Variants in CFAP77 observed in about 807,000 individuals in gnomAD.
CFAP77 encodes the protein cilia and flagella associated protein 77.
A neutral mutation model predicts 31.1 loss-of-function variants in CFAP77; 25 were observed. That is an observed-to-expected ratio of 0.80 (90% CI 0.59 to 1.12). The LOEUF (loss-of-function observed/expected upper bound fraction) is 1.12. Among genes scored for constraint, CFAP77 ranks in the 50% most tolerant of loss-of-function variants. The probability of loss-of-function intolerance (pLI) is 0.00; values close to 1 mark genes in which losing one functional copy is unlikely to be tolerated. For synonymous variants in CFAP77, 151 were observed against 159.9 expected (o/e 0.94, Z 0.42); for missense variants, 377 against 397.3 (o/e 0.95, Z 0.44).
Position 132,499,311 on chromosome 9 carries a change from C to G in CFAP77, c.296-61C>G. 6.7e-7 allele frequency: 1 copy of G among 1,481,642 alleles called. No individual in the cohort carries two copies. The highest frequency in any genetic ancestry group is 1.7e-5 in the Admixed American group (1 of 57,666). The allele number at this position is 1,481,642 out of a possible 1,614,324, so 91.8% of individuals were successfully genotyped here. ...CGTGCCCCCATTTCTTCTCGATCAG[C>G]TGCCTCAGGGTGCTTACTCCCAGGC... On this transcript the variant is annotated intron_variant, in intron 2 of 5. Coordinates refer to ENST00000393216, the MANE Select transcript of CFAP77 (RefSeq NM_001282957.2). The surrounding 1 kb of genome is among the most constrained non-coding windows in gnomAD (Gnocchi z 5.4).
rs369911015 is a variant in CFAP77 at position 132,437,975 on chromosome 9, T to C, written c.195+27509T>C. ...CTGTAATCCCAGCACTTTGGGAGGC[T>C]GAGGCCAACACCTGAGGTCATGAGT... On this transcript the variant is annotated intron_variant, in intron 1 of 5. Transcript: ENST00000393216. Among the ~76,000 whole-genome samples the C allele has an allele frequency of 3.4e-3, 508 of 151,606 alleles. 2 individuals are homozygous for C. Among genetic ancestry groups the C allele is most frequent in the African/African-American group, 0.011 (461 of 41,410 alleles).
At chr9:132,551,452 C>T (rs919063943) in intron 5 of CFAP77, among the ~76,000 whole-genome samples, 6 of 152,130 alleles carry the variant, frequency 3.9e-5, no homozygotes, top group African/African-American at 9.7e-5. Context: ...TCCGCCACCA[C>T]GCCCGGCTAA....
At chr9:132,556,120 G>C (rs986112256) in intron 5 of CFAP77, among the ~76,000 whole-genome samples, 1 of 152,150 alleles carries the variant, frequency 6.6e-6, no homozygotes, top group Non-Finnish European at 1.5e-5. Context: ...AGCAGGCATC[G>C]TCAGCACCCT....
At chr9:132,561,157 C>G (rs968980799) in intron 5 of CFAP77, among the ~76,000 whole-genome samples, 1 of 152,070 alleles carries the variant, frequency 6.6e-6, no homozygotes, top group African/African-American at 2.4e-5. Context: ...CCAGCTGCCC[C>G]GAACTTGACA....
At chr9:132,493,407 T>G (rs1044315809) in intron 1 of CFAP77, among the ~76,000 whole-genome samples, 1 of 152,218 alleles carries the variant, frequency 6.6e-6, no homozygotes, top group Non-Finnish European at 1.5e-5. Context: ...AGTCATTGTG[T>G]TGTTGTTGCT....
chr9:132,415,675 C>T (rs574121494), intron 1 of CFAP77, among the ~76,000 whole-genome samples: 1 of 152,346 alleles, frequency 6.6e-6, no homozygotes, highest in Admixed American at 6.5e-5. Context: ...CTCACACCTT[C>T]CAGAGCATTC....
intron 3 of CFAP77, among the ~76,000 whole-genome samples, chr9:132,510,994 G>A (rs1852027425): frequency 6.6e-6 from 1 of 152,094 alleles, no homozygotes; most frequent in South Asian, 2.1e-4. Flanking sequence ...GTCACGCTGG[G>A]ATCTGATCTC....
intron 3 of CFAP77, among the ~76,000 whole-genome samples, chr9:132,523,384 C>T (rs1459973392): frequency 6.6e-6 from 1 of 152,190 alleles, no homozygotes; most frequent in Non-Finnish European, 1.5e-5. Flanking sequence ...CCACTGCGCC[C>T]GACCTTCCAG....
In CFAP77 at chr9:132,499,404, C is replaced by A; in HGVS notation, c.328C>A (p.Pro110Thr). Residue 110 changes from proline to threonine, a missense_variant, in exon 3 of 6, where the codon CCC (proline) becomes ACC (threonine). Coordinates refer to ENST00000393216, the MANE Select transcript of CFAP77 (RefSeq NM_001282957.2). The surrounding 1 kb of genome is among the most constrained non-coding windows in gnomAD (Gnocchi z 5.4). ...ACGCTGGAACGTGTTCAAGCAGCAG[C>A]CCACCTGCCCCCACGAGCTGACCCG... is the stretch of plus-strand genomic sequence containing the variant. Reference protein sequence around the residue: ...IGRWNVFKQQPTCPHELTRNY... With the variant: ...IGRWNVFKQQTTCPHELTRNY... The A allele has an allele frequency of 6.2e-7, 1 of 1,614,208 alleles. No homozygotes were observed. The highest frequency in any genetic ancestry group is 8.5e-7 in the Non-Finnish European group (1 of 1,180,032).
rs192197126 is a variant in CFAP77, at chr9:132,558,842, C to T, written c.733-13546C>T. On this transcript the variant is annotated intron_variant, in intron 5 of 5. Transcript: ENST00000393216. ...AGCCTGACCAACGTGGTTGAAACCC[C>T]GTCTCTACTAAAAATATAAAAATTA... is the stretch of plus-strand genomic sequence containing the variant. Among the ~76,000 whole-genome samples the T allele has an allele frequency of 3.0e-4, 45 of 150,966 alleles. 1 individual carries two copies. The highest frequency in any genetic ancestry group is 8.1e-4 in the African/African-American group (33 of 40,934).
At position 132,517,406 on chromosome 9, in the gene CFAP77, A is replaced by G. The variant is rs1852167069; in HGVS notation, c.524+17806A>G. 6.6e-6 allele frequency among the ~76,000 whole-genome samples: 1 copy of G among 152,178 alleles called. No individual in the cohort carries two copies. The highest frequency in any genetic ancestry group is 1.5e-5 in the Non-Finnish European group (1 of 68,018). On this transcript the variant is annotated intron_variant, in intron 3 of 5. Transcript: ENST00000393216. The surrounding 1 kb of genome is among the most constrained non-coding windows in gnomAD (Gnocchi z 4.7). ...TCTTGAGTGGAATCACGTTGAACAG[A>G]CCTCGGCGCTGTCATTGATTTTCCA...
At chr9:132,472,460 A>G (rs1466824014) in intron 1 of CFAP77, among the ~76,000 whole-genome samples, 8 of 152,246 alleles carry the variant, frequency 5.3e-5, no homozygotes, top group Non-Finnish European at 1.2e-4. Flanking sequence ...GAACACAAAC[A>G]TAACCACCAT....
chr9:132,505,060 C>T (rs1433360958), intron 3 of CFAP77, among the ~76,000 whole-genome samples: 1 of 152,206 alleles, frequency 6.6e-6, no homozygotes, highest in Non-Finnish European at 1.5e-5. Flanking sequence ...GTTATTTACT[C>T]ACAATTACAG....
chr9:132,516,590 T>TATAC (rs1852151339), intron 3 of CFAP77, among the ~76,000 whole-genome samples: 1 of 144,940 alleles, frequency 6.9e-6, no homozygotes, highest in Non-Finnish European at 1.5e-5. Flanking sequence ...CACACAGAAA[T>TATAC]ACACACACAC....
chr9:132,516,590 T>TACACACACACACACAC (rs34683089), intron 3 of CFAP77, among the ~76,000 whole-genome samples: 16 of 144,940 alleles, frequency 1.1e-4, no homozygotes, highest in African/African-American at 2.3e-4. Context: ...CACACAGAAA[T>TACACACACACACACAC]ACACACACAC....
At chr9:132,439,424 C>T (rs762770182) in intron 1 of CFAP77, among the ~76,000 whole-genome samples, 3 of 152,086 alleles carry the variant, frequency 2.0e-5, no homozygotes, top group Admixed American at 6.5e-5. Context: ...GCTGAAGCAT[C>T]TGTCTGGTCA....
At chr9:132,422,237 A>G (rs573902257) in intron 1 of CFAP77, among the ~76,000 whole-genome samples, 24 of 152,258 alleles carry the variant, frequency 1.6e-4, no homozygotes, top group African/African-American at 5.8e-4. Context: ...TTGAACTCCC[A>G]ACCTCAGGTG....
chr9:132,515,808 C>T (rs1169354561), intron 3 of CFAP77, among the ~76,000 whole-genome samples: 2 of 152,156 alleles, frequency 1.3e-5, no homozygotes, highest in Admixed American at 1.3e-4. Flanking sequence ...TTGAGAAGGC[C>T]ACACACTCTC....
chr9:132,420,159 CAAA>C (rs11302054), intron 1 of CFAP77, among the ~76,000 whole-genome samples: 71 of 134,990 alleles, frequency 5.3e-4, no homozygotes, highest in Non-Finnish European at 6.0e-4. Context: ...AGACCTTGAC[CAAA>C]AAAAAAAAAA....
Sources: allele counts gnomAD v4.1 joint callset (sites outside exome capture counted in the v4.1 genomes callset), GRCh38; gene constraint gnomAD v4.1.1; non-coding constraint Gnocchi (gnomAD v3.1); transcripts MANE v1.5; gene names NCBI Gene and HGNC (gene_info 2026-07-23, HGNC 2026-07-21).